Variants in LRP1B observed in about 807,000 individuals in gnomAD.
LRP1B encodes the protein low-density lipoprotein receptor-related protein 1B.
In LRP1B, 217 loss-of-function variants were observed where a neutral mutation model predicts 556.6. The ratio of observed to expected loss-of-function variants is 0.39; its 90% CI spans 0.35 to 0.44. The LOEUF (loss-of-function observed/expected upper bound fraction) is 0.44, where lower values mean the gene tolerates loss of function less well. Among genes scored for constraint, LRP1B ranks in the 20% least tolerant of loss-of-function variants. LRP1B has a pLI of 1.00. For missense variants in LRP1B, 5,053 were observed against 5,620.8 expected, an observed-to-expected ratio of 0.90 and a Z score of 3.23; for synonymous variants, 2,047 against 1,865.8, an observed-to-expected ratio of 1.10 and a Z score of -2.50.
At chr2:140,719,412 T>TAA (rs34533464) in intron 35 of LRP1B, among the ~76,000 whole-genome samples, 1 of 150,716 alleles carries the variant, frequency 6.6e-6, no homozygotes, top group African/African-American at 2.4e-5. Context: ...ATCTTTACAA[T>TAA]AAAAAAAAAA....
intron 2 of LRP1B, among the ~76,000 whole-genome samples, chr2:141,504,702 G>C (rs1319017609): frequency 6.6e-6 from 1 of 152,118 alleles, no homozygotes; most frequent in Non-Finnish European, 1.5e-5. Context: ...AAGGGATTGA[G>C]TTCTTACAAT....
rs558219086 is a variant in LRP1B, at chr2:140,319,673, C to T, written c.12640+2290G>A. Among the ~76,000 whole-genome samples, 5 of 152,226 alleles carry T rather than the reference C, an allele frequency of 3.3e-5. No individual in the cohort carries two copies. The East Asian group carries it at 7.7e-4, about 24-fold the overall frequency. On this transcript the variant is annotated intron_variant, in intron 82 of 90. Coordinates refer to ENST00000389484, the MANE Select transcript of LRP1B (RefSeq NM_018557.3). ...GATTGGGAAAAATAACTAATGGATA[C>T]TAGGCTTAATACCTAGGTGATACTT... is the stretch of plus-strand genomic sequence containing the variant.
In LRP1B at chr2:141,897,817, C is replaced by T. The variant is rs140352243; in HGVS notation, c.83-87416G>A. On this transcript the variant is annotated intron_variant, in intron 1 of 90. Transcript: ENST00000389484. Reference sequence around the variant, plus strand: ...ATTCAAAACAAACCTGCATAAATTTCACAACTTCTCCCAAAACACGGTTAT... The same window carrying T: ...ATTCAAAACAAACCTGCATAAATTTTACAACTTCTCCCAAAACACGGTTAT... 4.8e-4 allele frequency among the ~76,000 whole-genome samples: 73 copies of T among 152,288 alleles called. 1 individual carries two copies. The highest frequency in any genetic ancestry group is 1.7e-3 in the African/African-American group (71 of 41,566).
intron 1 of LRP1B, among the ~76,000 whole-genome samples, chr2:141,874,728 G>A (rs1698701524): frequency 6.6e-6 from 1 of 151,866 alleles, no homozygotes; most frequent in Non-Finnish European, 1.5e-5. Context: ...GCAACAAACT[G>A]TGTGTAACTT....
At chr2:141,904,750 CT>C (rs1480069392) in intron 1 of LRP1B, among the ~76,000 whole-genome samples, 1 of 151,872 alleles carries the variant, frequency 6.6e-6, no homozygotes, top group Non-Finnish European at 1.5e-5. Context: ...TCAAGGCAAC[CT>C]AGCAAAGGTT....
At chr2:141,887,821 C>CA (rs1306629707) in intron 1 of LRP1B, among the ~76,000 whole-genome samples, 1 of 152,126 alleles carries the variant, frequency 6.6e-6, no homozygotes, top group Non-Finnish European at 1.5e-5. Context: ...TTGAAGCTAC[C>CA]AAAACCCTGA....
Position 141,537,026 on chromosome 2 carries a change from A to G in LRP1B, c.206-56493T>C, listed in dbSNP as rs189603872. 2.7e-3 allele frequency among the ~76,000 whole-genome samples: 403 copies of G among 152,044 alleles called. 2 individuals carry two copies. Among genetic ancestry groups the G allele is most frequent in the African/African-American group, 9.3e-3 (386 of 41,538 alleles). The stretch of plus-strand genomic sequence containing the variant: ...AAGAATAGGAAAAAGGAAAAAAAAA[A>G]TCCCTGCTTTTCAAAGGAAACTAGT... On this transcript the variant is annotated intron_variant, in intron 2 of 90. Coordinates refer to ENST00000389484, the MANE Select transcript of LRP1B (RefSeq NM_018557.3).
At chr2:141,837,094 G>T (rs1327050609) in intron 1 of LRP1B, among the ~76,000 whole-genome samples, 1 of 151,934 alleles carries the variant, frequency 6.6e-6, no homozygotes, top group East Asian at 1.9e-4. Context: ...TTATTATTCA[G>T]TCCAGCAGGT....
intron 1 of LRP1B, among the ~76,000 whole-genome samples, chr2:142,096,550 A>T (rs989993541): frequency 1.3e-5 from 2 of 151,480 alleles, no homozygotes; most frequent in Admixed American, 1.3e-4. Flanking sequence ...TAGGCCTCCT[A>T]CTATGATGGA....
Position 140,294,486 on chromosome 2 carries a change from A to G in LRP1B, c.12967+3322T>C, listed in dbSNP as rs1683522100. Among the ~76,000 whole-genome samples the G allele has an allele frequency of 4.6e-5, 7 of 152,352 alleles. No individual in the cohort carries two copies. The South Asian group carries it at 1.4e-3, about 32-fold the overall frequency. ...GGGAATGTACATAATCAACAGGTAA[A>G]AATGATCAGAGTCAGAAGAGGAGGG... On this transcript the variant is annotated intron_variant, in intron 84 of 90. Coordinates refer to ENST00000389484, the MANE Select transcript of LRP1B (RefSeq NM_018557.3).
At chr2:140,320,430 G>T (rs1437560770) in intron 82 of LRP1B, among the ~76,000 whole-genome samples, 1 of 152,136 alleles carries the variant, frequency 6.6e-6, no homozygotes, top group Non-Finnish European at 1.5e-5. Context: ...ATCATGCAGA[G>T]GTGGAGATGC....
At chr2:141,018,431 C>T (rs1454864483) in intron 12 of LRP1B, among the ~76,000 whole-genome samples, 2 of 152,042 alleles carry the variant, frequency 1.3e-5, no homozygotes, top group African/African-American at 2.4e-5. Context: ...TCAGAATTGC[C>T]TTCAAAGAGC....
chr2:140,971,349 A>T (rs1278443152), intron 18 of LRP1B, among the ~76,000 whole-genome samples: 1 of 152,038 alleles, frequency 6.6e-6, no homozygotes, highest in Non-Finnish European at 1.5e-5. Context: ...GCAAGCAAGG[A>T]CTTTTTCCTA....
chr2:141,731,335 G>A (rs961146247), intron 2 of LRP1B, among the ~76,000 whole-genome samples: 2 of 152,088 alleles, frequency 1.3e-5, no homozygotes, highest in African/African-American at 4.8e-5. Flanking sequence ...ACATTTGCGG[G>A]TAAGGATAAG....
At chr2:140,498,376 CT>C (rs1689039124) in intron 55 of LRP1B, among the ~76,000 whole-genome samples, 1 of 151,814 alleles carries the variant, frequency 6.6e-6, no homozygotes, top group South Asian at 2.1e-4. Context: ...TACATCATCA[CT>C]TTTTTCCCTC....
intron 37 of LRP1B, among the ~76,000 whole-genome samples, chr2:140,706,179 A>G (rs1469784150): frequency 6.6e-6 from 1 of 152,138 alleles, no homozygotes; most frequent in African/African-American, 2.4e-5. Flanking sequence ...CTGGTTTTTG[A>G]CCAGTAGGTT....
At chr2:141,887,854 C>A (rs1448481349) in intron 1 of LRP1B, among the ~76,000 whole-genome samples, 2 of 152,144 alleles carry the variant, frequency 1.3e-5, no homozygotes, top group African/African-American at 4.8e-5. Context: ...CTTTCATGAG[C>A]ACACTACTTT....
At chr2:140,785,295 C>T (rs1689855911) in intron 32 of LRP1B, among the ~76,000 whole-genome samples, 1 of 152,058 alleles carries the variant, frequency 6.6e-6, no homozygotes, top group African/African-American at 2.4e-5. Context: ...TACTTCACTA[C>T]ATCAAAGGAG....
chr2:140,941,937 C>T (rs1695414518), intron 20 of LRP1B, among the ~76,000 whole-genome samples: 1 of 152,096 alleles, frequency 6.6e-6, no homozygotes, highest in Non-Finnish European at 1.5e-5. Flanking sequence ...GCAATGAACA[C>T]TAACCAAATG....
Sources: gnomAD v4.1 joint callset for allele counts (sites outside exome capture counted in the v4.1 genomes callset) on GRCh38, gnomAD v4.1.1 for gene constraint, MANE v1.5 for transcripts, NCBI Gene and HGNC (gene_info 2026-07-23, HGNC 2026-07-21) for gene names.